Variants in LSAMP observed in about 807,000 individuals in gnomAD.
The protein encoded by LSAMP is limbic system-associated membrane protein.
A neutral mutation model predicts 38.6 loss-of-function variants in LSAMP; 7 were observed. That is an observed-to-expected ratio of 0.18 (90% confidence interval 0.10 to 0.34). The LOEUF is 0.34. Among genes scored for constraint, LSAMP ranks in the 10% least tolerant of loss-of-function variants. The pLI is 1.00. For missense variants in LSAMP, 313 were observed against 420.0 expected (o/e 0.75, Z 2.23); for synonymous variants, 154 against 166.8 (o/e 0.92, Z 0.59).
At position 116,128,206 on chromosome 3, in the gene LSAMP, T is replaced by A. The variant is rs1273864106; in HGVS notation, c.156-41650A>T. On this transcript the variant is annotated intron_variant, in intron 1 of 6. Transcript: ENST00000490035. ...TTGTTGCCCTAGCAAGAGCATTACATAGTTGAAGAAGAATCATATTGATTG... is the reference window on the plus strand; with the variant it reads ...TTGTTGCCCTAGCAAGAGCATTACAAAGTTGAAGAAGAATCATATTGATTG... Among the ~76,000 whole-genome samples, 3 of 152,348 alleles carry A rather than the reference T, an allele frequency of 2.0e-5. No individual in the cohort carries two copies. The East Asian group carries it at 5.8e-4, about 29-fold the overall frequency.
At chr3:115,811,541 G>A (rs1356257) in intron 6 of LSAMP, among the ~76,000 whole-genome samples, 37,003 of 151,452 alleles carry the variant, frequency 0.24, 4,605 homozygotes, top group Admixed American at 0.28. Flanking sequence ...TTGAGAGTGC[G>A]TATGCAGATG....
intron 1 of LSAMP, among the ~76,000 whole-genome samples, chr3:116,435,669 G>C (rs1429416694): frequency 6.6e-6 from 1 of 152,126 alleles, no homozygotes; most frequent in African/African-American, 2.4e-5. Flanking sequence ...GCCACCATCA[G>C]CTTCATTGTT....
chr3:116,442,742 T>C (rs1364165860), intron 1 of LSAMP, among the ~76,000 whole-genome samples: 1 of 152,216 alleles, frequency 6.6e-6, no homozygotes, highest in Non-Finnish European at 1.5e-5. Flanking sequence ...TTTGTCTGTC[T>C]TTTCTTTCCC....
chr3:116,430,977 C>T (rs1211905515), intron 1 of LSAMP, among the ~76,000 whole-genome samples: 2 of 151,890 alleles, frequency 1.3e-5, no homozygotes, highest in Admixed American at 1.3e-4. Flanking sequence ...ATCACAAATA[C>T]ACATAAATAA....
intron 6 of LSAMP, among the ~76,000 whole-genome samples, chr3:115,814,522 C>T (rs1933946259): frequency 1.3e-5 from 2 of 152,132 alleles, no homozygotes; most frequent in Non-Finnish European, 1.5e-5. Flanking sequence ...CCTGTTTTAG[C>T]GTATGCTTAG....
chr3:115,823,546 T>C (rs973328503), intron 6 of LSAMP, among the ~76,000 whole-genome samples: 1 of 152,250 alleles, frequency 6.6e-6, no homozygotes, highest in African/African-American at 2.4e-5. Context: ...TTCTTCTTTA[T>C]AGTTTCATAT....
At chr3:116,208,469 G>C (rs2046101707) in intron 1 of LSAMP, among the ~76,000 whole-genome samples, 1 of 152,206 alleles carries the variant, frequency 6.6e-6, no homozygotes, top group African/African-American at 2.4e-5. Flanking sequence ...TGGAGGAGGA[G>C]AAGCGCTCTG....
intron 1 of LSAMP, among the ~76,000 whole-genome samples, chr3:116,118,097 T>C (rs1300266382): frequency 6.6e-6 from 1 of 152,202 alleles, no homozygotes; most frequent in African/African-American, 2.4e-5. Flanking sequence ...TAGTATTTAA[T>C]ATGCATATGT....
intron 1 of LSAMP, among the ~76,000 whole-genome samples, chr3:116,171,668 C>T (rs1451050854): frequency 6.6e-6 from 1 of 152,024 alleles, no homozygotes; most frequent in Non-Finnish European, 1.5e-5. Context: ...ATCTCTAAAT[C>T]CAAAGAATCC....
chr3:115,853,483 T>C (rs1266899654), intron 3 of LSAMP, among the ~76,000 whole-genome samples: 1 of 152,174 alleles, frequency 6.6e-6, no homozygotes, highest in African/African-American at 2.4e-5. Context: ...TGTGTGCATT[T>C]TAGTAAAGAA....
chr3:116,337,722 C>A (rs2047940109), intron 1 of LSAMP, among the ~76,000 whole-genome samples: 1 of 151,804 alleles, frequency 6.6e-6, no homozygotes, highest in African/African-American at 2.4e-5. Context: ...TGCATGTTAA[C>A]AAAAACATTT....
intron 1 of LSAMP, among the ~76,000 whole-genome samples, chr3:116,119,378 T>C (rs1271380434): frequency 3.9e-5 from 6 of 152,122 alleles, no homozygotes; most frequent in Non-Finnish European, 2.9e-5. Flanking sequence ...TATGTATATG[T>C]ATGTTTACAT....
At chr3:116,131,665 T>C (rs72959791) in intron 1 of LSAMP, among the ~76,000 whole-genome samples, 4,231 of 152,190 alleles carry the variant, frequency 0.028, 200 homozygotes, top group African/African-American at 0.097. Context: ...ATTTTTTCTT[T>C]TCACTTACAC....
At chr3:116,384,317 G>A (rs1040621041) in intron 1 of LSAMP, among the ~76,000 whole-genome samples, 1 of 151,990 alleles carries the variant, frequency 6.6e-6, no homozygotes, top group Non-Finnish European at 1.5e-5. Context: ...TTCATCAATT[G>A]CTTTGGCTTC....
chr3:116,359,268 T>C (rs139070155), intron 1 of LSAMP, among the ~76,000 whole-genome samples: 121 of 152,284 alleles, frequency 7.9e-4, no homozygotes, highest in African/African-American at 2.7e-3. Flanking sequence ...AGTTAGCAGG[T>C]AGTGAAAAAA....
intron 1 of LSAMP, among the ~76,000 whole-genome samples, chr3:116,266,718 G>A (rs765224063): frequency 3.3e-5 from 5 of 152,012 alleles, no homozygotes; most frequent in Non-Finnish European, 7.4e-5. Flanking sequence ...GCAAGGGCAA[G>A]CACACAAGTG....
At chr3:116,308,158 C>T (rs114851380) in intron 1 of LSAMP, among the ~76,000 whole-genome samples, 2 of 151,892 alleles carry the variant, frequency 1.3e-5, no homozygotes, top group African/African-American at 4.8e-5. Context: ...CCTATTAGAT[C>T]CTGCTTTTCC....
At chr3:115,841,484 A>G in intron 6 of LSAMP, 2 of 166,102 alleles carry the variant, frequency 1.2e-5, no homozygotes, top group Admixed American at 6.1e-5. Flanking sequence ...AAAACAAAAA[A>G]CACTGTTATC....
intron 2 of LSAMP, among the ~76,000 whole-genome samples, chr3:116,021,727 T>C (rs1185285827): frequency 6.7e-6 from 1 of 149,838 alleles, no homozygotes; most frequent in East Asian, 2.0e-4. Context: ...TGCAAATTTA[T>C]AAAACAGAAA....
Sources: allele counts gnomAD v4.1 joint callset (sites outside exome capture counted in the v4.1 genomes callset), GRCh38; gene constraint gnomAD v4.1.1; transcripts MANE v1.5; gene names NCBI Gene and HGNC (gene_info 2026-07-23, HGNC 2026-07-21).